Variants in TENM3 observed in about 807,000 individuals in gnomAD.
TENM3 encodes the protein teneurin-3.
TENM3 carries 63 observed loss-of-function variants against 255.1 expected under a neutral mutation model. The observed-to-expected ratio is 0.25, with a 90% CI of 0.20 to 0.30. The LOEUF is 0.30. TENM3 is among the 10% of genes least tolerant of loss of function. TENM3 has a pLI of 1.00. For missense variants in TENM3, 2,929 were observed against 3,461.1 expected (o/e 0.85, Z 3.86); for synonymous variants, 1,306 against 1,322.3 (o/e 0.99, Z 0.27).
chr4:182,740,111 AAAAC>A (rs1297683461), intron 18 of TENM3, among the ~76,000 whole-genome samples: 4 of 152,222 alleles, frequency 2.6e-5, no homozygotes, highest in Non-Finnish European at 5.9e-5. Flanking sequence ...GTAGTAAGGA[AAAAC>A]AAACAAAAAA....
At chr4:182,607,407 A>G (rs1448791249) in intron 4 of TENM3, among the ~76,000 whole-genome samples, 1 of 152,240 alleles carries the variant, frequency 6.6e-6, no homozygotes, top group East Asian at 1.9e-4. Flanking sequence ...TTTTGTAGGT[A>G]GGAACGCCCA....
At chr4:181,864,619 G>C in the TENM3 span, among the ~76,000 whole-genome samples, 1 of 152,200 alleles carries the variant, frequency 6.6e-6, no homozygotes, top group Non-Finnish European at 1.5e-5. Flanking sequence ...AAAGTAGTCA[G>C]TGGTCAAATG....
the TENM3 span, among the ~76,000 whole-genome samples, chr4:181,573,801 CATTAAA>C: frequency 6.6e-6 from 1 of 152,098 alleles, no homozygotes; most frequent in African/African-American, 2.4e-5. Context: ...AACAGATAAG[CATTAAA>C]ATTATACTCC....
At chr4:182,083,718 G>A in the TENM3 span, among the ~76,000 whole-genome samples, 3 of 152,126 alleles carry the variant, frequency 2.0e-5, no homozygotes, top group African/African-American at 7.2e-5. Flanking sequence ...CTATAGAATT[G>A]TTTCTTTCAA....
At chr4:181,837,506 A>G in the TENM3 span, among the ~76,000 whole-genome samples, 1 of 152,142 alleles carries the variant, frequency 6.6e-6, no homozygotes, top group Non-Finnish European at 1.5e-5. Flanking sequence ...AACCATGTGG[A>G]ACTGTCATTA....
the TENM3 span, among the ~76,000 whole-genome samples, chr4:182,101,497 C>T: frequency 4.8e-4 from 73 of 152,246 alleles, no homozygotes; most frequent in Non-Finnish European, 7.9e-4. Flanking sequence ...ACCTTCCTTA[C>T]GGGATCTGAA....
chr4:182,639,862 C>T (rs1168274523), intron 5 of TENM3, among the ~76,000 whole-genome samples: 1 of 152,046 alleles, frequency 6.6e-6, no homozygotes, highest in Non-Finnish European at 1.5e-5. Flanking sequence ...GAGCCTGAGG[C>T]GGGCAGATCA....
At chr4:181,766,064 C>T in the TENM3 span, among the ~76,000 whole-genome samples, 2 of 152,214 alleles carry the variant, frequency 1.3e-5, no homozygotes, top group East Asian at 1.9e-4. Flanking sequence ...AGGGTGAAAG[C>T]GTGTGAACTG....
chr4:182,363,249 T>G (rs1414681478), intron 3 of TENM3, among the ~76,000 whole-genome samples: 1 of 152,142 alleles, frequency 6.6e-6, no homozygotes, highest in African/African-American at 2.4e-5. Context: ...TCTGATTTCC[T>G]CTCCTTGATC....
At chr4:182,081,583 C>CAAAAAAAAAAAAAAAAAAAAA in the TENM3 span, among the ~76,000 whole-genome samples, 1 of 87,534 alleles carries the variant, frequency 1.1e-5, no homozygotes, top group Non-Finnish European at 2.1e-5. Flanking sequence ...GGCTCTGCCT[C>CAAAAAAAAAAAAAAAAAAAAA]AAAAAAAAAA....
At chr4:182,467,833 TG>T (rs1221072165) in intron 3 of TENM3, among the ~76,000 whole-genome samples, 1 of 152,046 alleles carries the variant, frequency 6.6e-6, no homozygotes, top group Non-Finnish European at 1.5e-5. Flanking sequence ...AGTGTTAGAG[TG>T]GTTTATGCCT....
the TENM3 span, among the ~76,000 whole-genome samples, chr4:181,609,669 A>G: frequency 6.6e-6 from 1 of 152,252 alleles, no homozygotes; most frequent in Non-Finnish European, 1.5e-5. Context: ...CAGGTGAGAA[A>G]AAGCAAAATA....
rs566447991 is a variant in TENM3 at position 182,573,323 on chromosome 4, G to A, written c.512-27601G>A. ...ATATTTTTATATTGACAACATAAAT[G>A]TATCAAATCAATTAAAAATATTAAT... is the stretch of plus-strand genomic sequence containing the variant. On this transcript the variant is annotated intron_variant, in intron 3 of 27. Transcript: ENST00000511685. Among the ~76,000 whole-genome samples the A allele has an allele frequency of 6.2e-4, 94 of 152,234 alleles. 1 individual carries two copies. The highest frequency in any genetic ancestry group is 1.1e-3 in the Admixed American group (17 of 15,290).
At chr4:181,860,350 G>C in the TENM3 span, among the ~76,000 whole-genome samples, 1 of 152,138 alleles carries the variant, frequency 6.6e-6, no homozygotes. Context: ...AGTAAAGCCA[G>C]ACAGTAGTTA....
At chr4:181,768,606 C>T in the TENM3 span, among the ~76,000 whole-genome samples, 1 of 152,140 alleles carries the variant, frequency 6.6e-6, no homozygotes, top group Admixed American at 6.5e-5. Context: ...CTCATTAGCA[C>T]GGTATTATGT....
chr4:181,620,589 G>A, the TENM3 span, among the ~76,000 whole-genome samples: 1 of 150,320 alleles, frequency 6.7e-6, no homozygotes, highest in Non-Finnish European at 1.5e-5. Context: ...CAGAAAGCCT[G>A]TTTTCCAGGA....
chr4:181,626,458 A>G, the TENM3 span, among the ~76,000 whole-genome samples: 4 of 152,252 alleles, frequency 2.6e-5, no homozygotes, highest in African/African-American at 7.2e-5. Context: ...TGCAGGCTGC[A>G]CAAGCATGGC....
chr4:181,901,268 T>C, the TENM3 span, among the ~76,000 whole-genome samples: 3 of 152,302 alleles, frequency 2.0e-5, no homozygotes, highest in African/African-American at 7.2e-5. Context: ...GTGATGTCAC[T>C]CATGGAGTGA....
At chr4:182,597,711 G>A (rs1747404295) in intron 3 of TENM3, among the ~76,000 whole-genome samples, 1 of 152,132 alleles carries the variant, frequency 6.6e-6, no homozygotes, top group African/African-American at 2.4e-5. Flanking sequence ...TTTTGGCAGT[G>A]TTGTACTTTA....
Sources: allele counts gnomAD v4.1 joint callset (sites outside exome capture counted in the v4.1 genomes callset), GRCh38; gene constraint gnomAD v4.1.1; transcripts MANE v1.5; gene names NCBI Gene and HGNC (gene_info 2026-07-23, HGNC 2026-07-21).